The following RGS14 variants were observed in gnomAD, a reference collection of about 807,000 sequenced individuals.
RGS14 encodes regulator of G-protein signaling 14.
A neutral mutation model predicts 63.8 loss-of-function variants in RGS14; 33 were observed. The observed-to-expected ratio is 0.52, with a 90% CI of 0.39 to 0.69. The LOEUF (loss-of-function observed/expected upper bound fraction) is 0.69, where lower values mean the gene tolerates loss of function less well. RGS14 is among the 30% of genes least tolerant of loss of function. The pLI is 0.00. For synonymous variants in RGS14, 296 were observed against 320.9 expected, an observed-to-expected ratio of 0.92 and a Z score of 0.83; for missense variants, 739 against 742.9, an observed-to-expected ratio of 0.99 and a Z score of 0.06.
chr5:177,367,241 C>A, intron 5 of RGS14, 173 bp from the exon 6 acceptor site: 1 of 1,105,814 alleles, frequency 9.0e-7, no homozygotes, highest in Non-Finnish European at 1.3e-6. Flanking sequence ...CCTAGCTGAG[C>A]TCGGGGCGGG....
chr5:177,365,688 A>T (rs1474717894), intron 1 of RGS14, among the ~76,000 whole-genome samples: 1 of 152,228 alleles, frequency 6.6e-6, no homozygotes, highest in African/African-American at 2.4e-5. Flanking sequence ...CCTACCCACC[A>T]TGCTATGCAC....
intron 9 of RGS14, 42 bp from the exon 10 acceptor site, chr5:177,370,549 T>C: frequency 1.3e-6 from 2 of 1,576,146 alleles, no homozygotes; most frequent in Non-Finnish European, 1.7e-6. Flanking sequence ...TGGCTGGGGG[T>C]TGGGGGAGGG....
chr5:177,366,455 C>A, intron 3 of RGS14, 100 bp downstream of exon 3: 1 of 1,092,916 alleles, frequency 9.1e-7, no homozygotes, highest in Non-Finnish European at 1.3e-6. Flanking sequence ...TCAGCTTCCT[C>A]ATCTAGCCTT....
chr5:177,358,145 G>C lies in RGS14; in HGVS notation c.45+76G>C. On this transcript the variant is annotated intron_variant, in intron 1 of 14. Coordinates refer to ENST00000408923, the MANE Select transcript of RGS14 (RefSeq NM_006480.5). This position sits in a 1 kb window ranked among gnomAD's most constrained non-coding sequence, Gnocchi z 4.8. ...GGGTGGAGCCCAGGAGGCACACCCG[G>C]CAGGGCCAGGCAAGAGCCCACGGGC... 1 of 1,198,040 alleles carries C rather than the reference G, an allele frequency of 8.3e-7. No individual in the cohort carries two copies. 74.2% of individuals were successfully genotyped at this position (1,198,040 alleles called of 1,614,324 possible).
At chr5:177,361,122 G>A (rs1402185820) in intron 1 of RGS14, among the ~76,000 whole-genome samples, 1 of 152,188 alleles carries the variant, frequency 6.6e-6, no homozygotes, top group African/African-American at 2.4e-5. Context: ...GCAAGGCAAA[G>A]CCCATGCAGC....
chr5:177,367,822 C>T lies in RGS14; in HGVS notation c.736C>T (p.Arg246Trp), dbSNP rs748767218. 2 of 1,589,528 alleles carry T rather than the reference C, an allele frequency of 1.3e-6. No individual in the cohort carries two copies. Among genetic ancestry groups the T allele is most frequent in the Non-Finnish European group, 8.6e-7 (1 of 1,167,558 alleles). ...CCGCCCTCTCCGCAAGTCCTTCCGCCGGGGTGAGGGCAGGAGCGAGCAACA... is the reference window on the plus strand; with the variant it reads ...CCGCCCTCTCCGCAAGTCCTTCCGCTGGGGTGAGGGCAGGAGCGAGCAACA... ...GGRPLRKSFR[R>W]ELGGTANAAL... is the part of the protein sequence containing the mutation. The change falls in exon 7 of 15, where the codon CGG (arginine) becomes TGG (tryptophan). Residue 246 changes from arginine (R) to tryptophan (W), a missense_variant. Coordinates refer to ENST00000408923, the MANE Select transcript of RGS14 (RefSeq NM_006480.5).
chr5:177,369,647 T>C (rs1406144969), intron 9 of RGS14, among the ~76,000 whole-genome samples: 1 of 152,128 alleles, frequency 6.6e-6, no homozygotes, highest in African/African-American at 2.4e-5. Context: ...GAAGCAGCAG[T>C]AGATGTGGAT....
At position 177,371,525 on chromosome 5, in the gene RGS14, C is replaced by G. The variant is rs1762271202; in HGVS notation, c.1434C>G (p.Ser478=). The G allele has an allele frequency of 1.9e-6, 3 of 1,614,120 alleles. No homozygotes were observed. The highest frequency in any genetic ancestry group is 2.5e-6 in the Non-Finnish European group (3 of 1,180,032). The change falls in exon 14 of 15, where the codon TCC becomes TCG. Residue 478 remains serine, a synonymous_variant. Coordinates refer to ENST00000408923, the MANE Select transcript of RGS14 (RefSeq NM_006480.5). The surrounding 1 kb of genome is among the most constrained non-coding windows in gnomAD (Gnocchi z 6.1). ...QDKATHPPPA[S]PSSLVKVPSS... is the part of the protein sequence containing the mutation. ...AGGCCACCCATCCCCCTCCAGCGTC[C>G]CCCAGTTCTCTGGTGAAGGTGCCCA...
At chr5:177,368,528 GT>G (rs1255813533) in intron 8 of RGS14, among the ~76,000 whole-genome samples, 188 bp from the exon 9 acceptor site, 1 of 152,378 alleles carries the variant, frequency 6.6e-6, no homozygotes, top group East Asian at 1.9e-4. Context: ...GAATCAGCGG[GT>G]GGACCCGTCT....
chr5:177,360,444 A>G (rs1761936356), intron 1 of RGS14, among the ~76,000 whole-genome samples: 1 of 151,850 alleles, frequency 6.6e-6, no homozygotes, highest in Non-Finnish European at 1.5e-5. Flanking sequence ...ATGCACCTGT[A>G]GTCCCAGCTA....
At chr5:177,365,321 T>C (rs1762063372) in intron 1 of RGS14, among the ~76,000 whole-genome samples, 1 of 152,046 alleles carries the variant, frequency 6.6e-6, no homozygotes, top group Admixed American at 6.6e-5. Context: ...GCCTCCCGAG[T>C]AGCTGGGATT....
intron 8 of RGS14, 78 bp downstream of exon 8, chr5:177,368,344 A>T: frequency 1.0e-5 from 15 of 1,430,578 alleles, no homozygotes; most frequent in Non-Finnish European, 1.4e-5. Flanking sequence ...GGTGGCCCTC[A>T]TTCCAAGTTG....
At position 177,371,024 on chromosome 5, in the gene RGS14, T is replaced by A. The variant is rs1175085428; in HGVS notation, c.1247T>A (p.Leu416Gln). The A allele has an allele frequency of 1.3e-6, 2 of 1,533,018 alleles. No individual in the cohort carries two copies. Among genetic ancestry groups the A allele is most frequent in the East Asian group, 2.5e-5 (1 of 39,788 alleles). The allele number at this position is 1,533,018 out of a possible 1,614,324, so 95.0% of individuals were successfully genotyped here. A position where few individuals can be genotyped will look rare whatever the true frequency, so the allele number is the denominator to read the frequency against. The change falls in exon 11 of 15, where the codon CTG becomes CAG. Residue 416 changes from leucine (L) to glutamine (Q), a missense_variant. Leu to Gln is a moderately radical substitution (Grantham distance 113). Coordinates refer to ENST00000408923, the MANE Select transcript of RGS14 (RefSeq NM_006480.5). The surrounding 1 kb of genome is among the most constrained non-coding windows in gnomAD (Gnocchi z 6.1). ...GGCTTGAGCCCGCTAGAGGTGGTGC[T>A]GCACCGGGTGAGCTTCCGGGCCGCG... is the stretch of plus-strand genomic sequence containing the variant. ...KHGLSPLEVVLHRPGEKQPLD... is the reference protein window; with the variant it reads ...KHGLSPLEVVQHRPGEKQPLD...
intron 1 of RGS14, among the ~76,000 whole-genome samples, chr5:177,361,780 C>A (rs1231424510): frequency 1.3e-5 from 2 of 152,168 alleles, no homozygotes; most frequent in Non-Finnish European, 2.9e-5. Context: ...CCCCCAGGAC[C>A]AAATTCCTAA....
In RGS14 at chr5:177,366,318, G is replaced by A. The variant is rs77767937; in HGVS notation, c.209G>A (p.Arg70Gln). ...PVASWALSFE[R>Q]LLQDPLGLAY... ...GCCAGCTGGGCCCTGTCCTTCGAGCGGCTGTTGCAGGACCCGCTGGGCCTG... is the reference window on the plus strand; with the variant it reads ...GCCAGCTGGGCCCTGTCCTTCGAGCAGCTGTTGCAGGACCCGCTGGGCCTG... Residue 70 changes from arginine (R) to glutamine (Q), a missense_variant, in exon 3 of 15, where the codon CGG becomes CAG. By Grantham distance (43) the Arg-to-Gln change is conservative. Transcript: ENST00000408923. 1,860 of 1,552,690 alleles carry A rather than the reference G, an allele frequency of 1.2e-3. 26 individuals carry two copies. The African/African-American group carries it at 0.022, about 18-fold the overall frequency.
intron 8 of RGS14, 66 bp downstream of exon 8, chr5:177,368,332 G>C (rs900761237): frequency 2.0e-6 from 3 of 1,482,704 alleles, no homozygotes; most frequent in South Asian, 2.6e-5. Context: ...GCCCATTTAC[G>C]TGGTGGCCCT....
chr5:177,368,062 T>C (rs1301337395), intron 7 of RGS14, 95 bp from the exon 8 acceptor site: 2 of 1,532,392 alleles, frequency 1.3e-6, no homozygotes, highest in Admixed American at 2.0e-5. Flanking sequence ...CCCTGCAGGA[T>C]GGCTCCAAAC....
chr5:177,368,386 C>G, intron 8 of RGS14, 120 bp downstream of exon 8: 1 of 1,055,890 alleles, frequency 9.5e-7, no homozygotes, highest in Non-Finnish European at 1.3e-6. Flanking sequence ...GCTTGCTCTG[C>G]GTAGCCAACC....
rs1762053124 is a variant in RGS14, at chr5:177,364,770, TTC to T, written c.46-1191_46-1190del. 6.6e-6 allele frequency among the ~76,000 whole-genome samples: 1 copy of T among 152,160 alleles called. No homozygotes were observed. Among genetic ancestry groups the T allele is most frequent in the Admixed American group, 6.5e-5 (1 of 15,282 alleles). On this transcript the variant is annotated intron_variant, in intron 1 of 14. Coordinates refer to ENST00000408923, the MANE Select transcript of RGS14 (RefSeq NM_006480.5). The surrounding 1 kb of genome is among the most constrained non-coding windows in gnomAD (Gnocchi z 4.6). Reference sequence around the variant, plus strand: ...AAGAGTCATTTTGAGAGGAGAGTTTTTCTGTTTCACTAATGATTGGGATTCCC... The same window carrying T: ...AAGAGTCATTTTGAGAGGAGAGTTTTTGTTTCACTAATGATTGGGATTCCC...
Sources: gnomAD v4.1 joint callset for allele counts (sites outside exome capture counted in the v4.1 genomes callset) on GRCh38, gnomAD v4.1.1 for gene constraint, Gnocchi (gnomAD v3.1) non-coding constraint, MANE v1.5 for transcripts, NCBI Gene and HGNC (gene_info 2026-07-23, HGNC 2026-07-21) for gene names.